ARMCX1: variants seen among roughly 807,000 people sequenced by gnomAD.
ARMCX1 encodes the protein armadillo repeat containing X-linked 1, also known as armadillo repeat-containing X-linked protein 1.
Under a neutral mutation model 15.4 loss-of-function variants are expected in ARMCX1, and 4 were observed. That is an observed-to-expected ratio of 0.26 (90% CI 0.13 to 0.59). The LOEUF is 0.59. Among genes scored for constraint, ARMCX1 ranks in the 20% least tolerant of loss-of-function variants. The pLI, the probability that ARMCX1 is intolerant of heterozygous loss-of-function variation, is 0.89. For synonymous variants in ARMCX1, 144 were observed against 130.5 expected (o/e 1.10, Z -0.71); for missense variants, 273 against 337.1 (o/e 0.81, Z 1.49).
rs192601560 is a variant in ARMCX1, at chrX:101,553,557, G to C, written c.627G>C (p.Lys209Asn). 1.7e-6 allele frequency: 2 copies of C among 1,209,973 alleles called. No homozygotes were observed. The highest frequency in any genetic ancestry group is 2.2e-5 in the Admixed American group (1 of 45,780). Residue 209 changes from lysine to asparagine, a missense_variant, in exon 4 of 4, where the codon AAG becomes AAC. Physicochemically the swap from Lys to Asn is moderately conservative, Grantham distance 94. Coordinates refer to ENST00000372829, the MANE Select transcript of ARMCX1 (RefSeq NM_016608.2). The stretch of plus-strand genomic sequence containing the variant: ...TTCTGAGTGCTCCCGACCTCCAAAA[G>C]GTCCTCAACATCCTGGAGCGAACAA... ...DDILSAPDLQ[K>N]VLNILERTND...
At position 101,553,427 on chromosome X, in the gene ARMCX1, G is replaced by A. The variant is rs782397907; in HGVS notation, c.497G>A (p.Ser166Asn). ...RSGSRAGGRA[S>N]GKSKGKARSK... Reference sequence around the variant, plus strand: ...GGATCTAGGGCCGGGGGCAGGGCAAGTGGAAAATCCAAGGGAAAGGCCCGA... The same window carrying A: ...GGATCTAGGGCCGGGGGCAGGGCAAATGGAAAATCCAAGGGAAAGGCCCGA... Residue 166 changes from serine to asparagine, a missense_variant, in exon 4 of 4, where the codon AGT becomes AAT. Ser to Asn is a conservative substitution (Grantham distance 46). Coordinates refer to ENST00000372829, the MANE Select transcript of ARMCX1 (RefSeq NM_016608.2). The A allele has an allele frequency of 8.4e-7, 1 of 1,196,223 alleles. No homozygotes were observed. Among genetic ancestry groups the A allele is most frequent in the East Asian group, 3.0e-5 (1 of 33,661 alleles).
chrX:101,553,468 G>T lies in ARMCX1; in HGVS notation c.538G>T (p.Ala180Ser), dbSNP rs1556027396. The T allele has an allele frequency of 1.7e-6, 2 of 1,209,239 alleles. No homozygotes were observed. Among genetic ancestry groups the T allele is most frequent in the East Asian group, 3.0e-5 (1 of 33,808 alleles). The change falls in exon 4 of 4, where the codon GCT (alanine) becomes TCT (serine). Residue 180 changes from alanine to serine, a missense_variant. Physicochemically the swap from Ala to Ser is moderately conservative, Grantham distance 99 (BLOSUM62 1). Transcript: ENST00000372829. ...AAAGGCCCGAAGTAAGAGCACCAGG[G>T]CTCCAGCTACAACATGGCCTGTCCG... Reference protein sequence around the residue: ...KGKARSKSTRAPATTWPVRRG... With the variant: ...KGKARSKSTRSPATTWPVRRG...
chrX:101,550,778 C>G (rs1324713263), intron 1 of ARMCX1, 118 bp downstream of exon 1: 1 of 111,665 alleles, frequency 9.0e-6, no homozygotes, highest in African/African-American at 3.3e-5. Flanking sequence ...CTTGCCCTTT[C>G]TAGAACAAAA....
chrX:101,553,422 G>A lies in ARMCX1; in HGVS notation c.492G>A (p.Arg164=), dbSNP rs782040895. ...PTRSGSRAGG[R]ASGKSKGKAR... is the part of the protein sequence containing the mutation. ...GGAGTGGATCTAGGGCCGGGGGCAG[G>A]GCAAGTGGAAAATCCAAGGGAAAGG... The change falls in exon 4 of 4, where the codon AGG becomes AGA. Residue 164 remains arginine (R), a synonymous_variant. Coordinates refer to ENST00000372829, the MANE Select transcript of ARMCX1 (RefSeq NM_016608.2). 9 of 1,197,005 alleles carry A rather than the reference G, an allele frequency of 7.5e-6. No homozygotes were observed. Among genetic ancestry groups the A allele is most frequent in the Non-Finnish European group, 1.0e-5 (9 of 888,428 alleles).
Position 101,552,839 on chromosome X carries a change from G to T in ARMCX1, c.-92G>T, listed in dbSNP as rs1043345253. 1.0e-5 allele frequency: 11 copies of T among 1,052,749 alleles called. No homozygotes were observed. Among genetic ancestry groups the T allele is most frequent in the Non-Finnish European group, 1.4e-5 (11 of 787,911 alleles). The allele number at this position is 1,052,749 out of a possible 1,213,427, so 86.8% of individuals were successfully genotyped here. On this transcript the variant is annotated 5_prime_UTR_variant, in exon 4 of 4. Coordinates refer to ENST00000372829, the MANE Select transcript of ARMCX1 (RefSeq NM_016608.2). ...GCTGCCTCAGAGCCGGCCCGCAGTA[G>T]CTGCAGACTCCGCCCGCGACGTGTG...
chrX:101,553,973 T>C lies in ARMCX1; in HGVS notation c.1043T>C (p.Met348Thr). ...LGNHFTKIQI[M>T]KLIINFTENP... ...AATCACTTCACCAAGATACAGATTA[T>C]GAAACTAATTATAAACTTTACTGAA... Residue 348 changes from methionine (M) to threonine (T), a missense_variant, in exon 4 of 4, where the codon ATG (methionine) becomes ACG (threonine). Around this residue, in one of 2 missense-constraint regions of ARMCX1, gnomAD observed 126 missense variants for 193.6 expected, o/e 0.65. Coordinates refer to ENST00000372829, the MANE Select transcript of ARMCX1 (RefSeq NM_016608.2). The C allele has an allele frequency of 8.3e-7, 1 of 1,210,761 alleles. No individual in the cohort carries two copies. Among genetic ancestry groups the C allele is most frequent in the South Asian group, 1.8e-5 (1 of 56,840 alleles).
chrX:101,554,337 C>T lies in ARMCX1; in HGVS notation c.*45C>T, dbSNP rs782691299. ...AATATTGAGATATTTGCAGTTGGTA[C>T]GATGTGATTTGTAAATTCTTTGTTT... On this transcript the variant is annotated 3_prime_UTR_variant, in exon 4 of 4. Coordinates refer to ENST00000372829, the MANE Select transcript of ARMCX1 (RefSeq NM_016608.2). The T allele has an allele frequency of 1.7e-5, 19 of 1,102,728 alleles. No homozygotes were observed. The highest frequency in any genetic ancestry group is 2.2e-5 in the Non-Finnish European group (18 of 829,018). The allele number at this position is 1,102,728 out of a possible 1,213,427, so 90.9% of individuals were successfully genotyped here.
chrX:101,551,718 A>G (rs1603234683), intron 3 of ARMCX1, 85 bp downstream of exon 3: 2 of 110,897 alleles, frequency 1.8e-5, no homozygotes. Flanking sequence ...GACCCCTTCC[A>G]TATCCCCCTC....
At chrX:101,552,647 C>T (rs1935394761) in intron 3 of ARMCX1, among the ~76,000 whole-genome samples, 162 bp from the exon 4 acceptor site, 1 of 111,023 alleles carries the variant, frequency 9.0e-6, no homozygotes, top group South Asian at 3.8e-4. Context: ...AACTTAGCTT[C>T]CGGGTGGAAG....
Position 101,552,990 on chromosome X carries a change from C to T in ARMCX1, c.60C>T (p.Ala20=), listed in dbSNP as rs151263690. 8.3e-7 allele frequency: 1 copy of T among 1,211,932 alleles called. No homozygotes were observed. Among genetic ancestry groups the T allele is most frequent in the Non-Finnish European group, 1.1e-6 (1 of 895,557 alleles). ...VAAGVVIGAG[A]CYCVYRLAWG... is the part of the protein sequence containing the mutation. ...CTGGTGTGGTTATCGGGGCTGGTGC[C>T]TGCTACTGTGTATACAGACTGGCTT... Residue 20 remains alanine, a synonymous_variant, in exon 4 of 4, where the codon GCC becomes GCT. Coordinates refer to ENST00000372829, the MANE Select transcript of ARMCX1 (RefSeq NM_016608.2).
Position 101,554,513 on chromosome X carries a change from C to T in ARMCX1, c.*221C>T, listed in dbSNP as rs1305217262. The T allele has an allele frequency of 6.1e-6, 2 of 325,363 alleles. No homozygotes were observed. The highest frequency in any genetic ancestry group is 2.7e-5 in the African/African-American group (1 of 36,773). 26.8% of individuals were successfully genotyped at this position (325,363 alleles called of 1,213,427 possible). A position where few individuals can be genotyped will look rare whatever the true frequency, so the allele number is the denominator to read the frequency against. On this transcript the variant is annotated 3_prime_UTR_variant, in exon 4 of 4. Coordinates refer to ENST00000372829, the MANE Select transcript of ARMCX1 (RefSeq NM_016608.2). Reference sequence around the variant, plus strand: ...GCCAAATGAAATATTAGTATTTGTACACAGAAAGAATTTATTGATTTGATC... The same window carrying T: ...GCCAAATGAAATATTAGTATTTGTATACAGAAAGAATTTATTGATTTGATC...
At position 101,554,338 on chromosome X, in the gene ARMCX1, G is replaced by A. The variant is rs895819917; in HGVS notation, c.*46G>A. 4.5e-6 allele frequency: 5 copies of A among 1,099,476 alleles called. No individual in the cohort carries two copies. Among genetic ancestry groups the A allele is most frequent in the Admixed American group, 3.0e-5 (1 of 33,385 alleles). 90.6% of individuals were successfully genotyped at this position (1,099,476 alleles called of 1,213,427 possible). A position where few individuals can be genotyped will look rare whatever the true frequency, so the allele number is the denominator to read the frequency against. On this transcript the variant is annotated 3_prime_UTR_variant, in exon 4 of 4. Coordinates refer to ENST00000372829, the MANE Select transcript of ARMCX1 (RefSeq NM_016608.2). ...ATATTGAGATATTTGCAGTTGGTAC[G>A]ATGTGATTTGTAAATTCTTTGTTTT...
In ARMCX1 at chrX:101,554,382, A is replaced by G. The variant is rs1244533171; in HGVS notation, c.*90A>G. On this transcript the variant is annotated 3_prime_UTR_variant, in exon 4 of 4. Transcript: ENST00000372829. Reference sequence around the variant, plus strand: ...TTGTTTTTCATTGTGCGTATATGGTAAAGAGATCTTTTCAGCTGCTATTTT... The same window carrying G: ...TTGTTTTTCATTGTGCGTATATGGTGAAGAGATCTTTTCAGCTGCTATTTT... The G allele has an allele frequency of 8.8e-6, 8 of 914,202 alleles. No individual in the cohort carries two copies. The highest frequency in any genetic ancestry group is 1.2e-5 in the Non-Finnish European group (8 of 667,119). 75.3% of individuals were successfully genotyped at this position (914,202 alleles called of 1,213,427 possible).
intron 2 of ARMCX1, among the ~76,000 whole-genome samples, chrX:101,551,361 G>A (rs367999415): frequency 9.0e-6 from 1 of 111,012 alleles, no homozygotes; most frequent in Non-Finnish European, 1.9e-5. Context: ...AGTGAGGGCC[G>A]GGGGCGGGGA....
chrX:101,550,894 T>C (rs782051369), intron 1 of ARMCX1, 77 bp from the exon 2 acceptor site: 1 of 111,518 alleles, frequency 9.0e-6, no homozygotes, highest in South Asian at 3.8e-4. Context: ...TTCGGATTCA[T>C]GTCCTGTGTG....
rs1453790724 is a variant in ARMCX1, at chrX:101,552,938, G to A, written c.8G>A (p.Arg3His). The A allele has an allele frequency of 8.3e-7, 1 of 1,208,649 alleles. No homozygotes were observed. Among genetic ancestry groups the A allele is most frequent in the Non-Finnish European group, 1.1e-6 (1 of 893,919 alleles). Residue 3 changes from arginine (R) to histidine (H), a missense_variant, in exon 4 of 4, where the codon CGC (arginine) becomes CAC (histidine). By Grantham distance (29) the Arg-to-His change is conservative. Transcript: ENST00000372829. ...ATTTGTCCCAGCTATACCATGGGCC[G>A]CACTCGGGAAGCTGGCTGCGTGGCC... MG[R>H]TREAGCVAAG...
chrX:101,552,811 C>G lies in ARMCX1; in HGVS notation c.-120C>G, dbSNP rs147779056. 3,472 of 810,063 alleles carry G rather than the reference C, an allele frequency of 4.3e-3. 88 individuals carry two copies. In the African/African-American group the frequency reaches 0.064, roughly 15 times the overall value. 66.8% of individuals were successfully genotyped at this position (810,063 alleles called of 1,213,427 possible). On this transcript the variant is annotated splice_region_variant and 5_prime_UTR_variant, in exon 4 of 4. Transcript: ENST00000372829. ...TGAAATGCATCCTTTATTCCTAGGTCGAGCTGCCTCAGAGCCGGCCCGCAG... is the reference window on the plus strand; with the variant it reads ...TGAAATGCATCCTTTATTCCTAGGTGGAGCTGCCTCAGAGCCGGCCCGCAG...
rs1316980738 is a variant in ARMCX1, at chrX:101,554,148, A to G, written c.1218A>G (p.Ala406=). Residue 406 remains alanine (A), a synonymous_variant, in exon 4 of 4, where the codon GCA becomes GCG. Transcript: ENST00000372829. The part of the protein sequence containing the change: ...INDNIKNEGL[A]SSRKEFSRSS... ...ACAACATAAAAAATGAAGGGCTCGC[A>G]TCATCCAGGAAAGAATTCAGCAGAA... is the stretch of plus-strand genomic sequence containing the variant. 8.3e-7 allele frequency: 1 copy of G among 1,211,222 alleles called. No homozygotes were observed. The highest frequency in any genetic ancestry group is 1.7e-5 in the African/African-American group (1 of 57,817).
At chrX:101,551,107 C>T (rs1212551909) in intron 2 of ARMCX1, 83 bp downstream of exon 2, 1 of 111,060 alleles carries the variant, frequency 9.0e-6, no homozygotes, top group Non-Finnish European at 1.9e-5. Context: ...GGCCCTTTAC[C>T]GACTCTCAAG....
Sources: allele counts gnomAD v4.1 joint callset (sites outside exome capture counted in the v4.1 genomes callset), GRCh38; gene constraint gnomAD v4.1.1; regional missense constraint gnomAD v4.1.1; transcripts MANE v1.5; gene names NCBI Gene and HGNC (gene_info 2026-07-23, HGNC 2026-07-21).